Variants in GALNT9 observed in about 807,000 individuals in gnomAD.
GALNT9 encodes the protein polypeptide N-acetylgalactosaminyltransferase 9, also known as GalNAc transferase 9.
A neutral mutation model predicts 63.1 loss-of-function variants in GALNT9; 47 were observed. That is an observed-to-expected ratio of 0.75 (90% CI 0.59 to 0.95). The LOEUF (loss-of-function observed/expected upper bound fraction) is 0.95. Ranked by LOEUF, GALNT9 falls within the 40% of genes least tolerant of loss-of-function variation. GALNT9 has a pLI of 0.00. For synonymous variants in GALNT9, 396 were observed against 365.7 expected (o/e 1.08, Z -0.94); for missense variants, 829 against 874.8 (o/e 0.95, Z 0.66).
Position 132,246,775 on chromosome 12 carries a change from C to G in GALNT9, c.1077+1135G>C, listed in dbSNP as rs1878719341. Among the ~76,000 whole-genome samples, 1 of 152,212 alleles carries G rather than the reference C, an allele frequency of 6.6e-6. No individual in the cohort carries two copies. The highest frequency in any genetic ancestry group is 1.5e-5 in the Non-Finnish European group (1 of 68,044). The stretch of plus-strand genomic sequence containing the variant: ...CTCGAACTTCTGACCTCATGATCCA[C>G]CCACCTCTGCCTCCCACAGTGTTGG... On this transcript the variant is annotated intron_variant, in intron 6 of 10. Transcript: ENST00000328957. The surrounding 1 kb of genome is among the most constrained non-coding windows in gnomAD (Gnocchi z 4.7).
At chr12:132,235,730 C>G (rs1206537517) in intron 6 of GALNT9, among the ~76,000 whole-genome samples, 3 of 110,402 alleles carry the variant, frequency 2.7e-5, no homozygotes, top group Non-Finnish European at 5.5e-5. Context: ...GAGGGTCCCC[C>G]GGGCTGGAGT....
rs181694461 is a variant in GALNT9 at position 132,222,357 on chromosome 12, T to G, written c.1078-18667A>C. ...CTTGGGGAGGCCGAGGCAGGAGGAT[T>G]GCTTGAGGCCAGGAGTTCAAGGCCA... is the stretch of plus-strand genomic sequence containing the variant. On this transcript the variant is annotated intron_variant, in intron 6 of 10. Coordinates refer to ENST00000328957, the MANE Select transcript of GALNT9 (RefSeq NM_001122636.2). 3.5e-3 allele frequency among the ~76,000 whole-genome samples: 539 copies of G among 151,970 alleles called. 2 individuals carry two copies. The highest frequency in any genetic ancestry group is 5.5e-3 in the Non-Finnish European group (375 of 67,972).
intron 6 of GALNT9, among the ~76,000 whole-genome samples, chr12:132,224,802 C>CA (rs1593071650): frequency 0.012 from 1,755 of 146,480 alleles, 32 homozygotes; most frequent in East Asian, 0.058. Context: ...ATACACACAC[C>CA]CCACACACAT....
chr12:132,269,230 C>T (rs544833770), intron 2 of GALNT9, among the ~76,000 whole-genome samples: 4 of 152,006 alleles, frequency 2.6e-5, no homozygotes, highest in South Asian at 2.1e-4. Flanking sequence ...TGCCCGACTG[C>T]GGCCAAGGAA....
intron 1 of GALNT9, among the ~76,000 whole-genome samples, chr12:132,297,981 G>C (rs1881136366): frequency 6.7e-6 from 1 of 148,786 alleles, no homozygotes; most frequent in Non-Finnish European, 1.5e-5. Flanking sequence ...TCACATCCAA[G>C]AAAACTCACT....
At chr12:132,256,753 C>T (rs181358472) in intron 5 of GALNT9, among the ~76,000 whole-genome samples, 5 of 152,204 alleles carry the variant, frequency 3.3e-5, no homozygotes, top group Admixed American at 1.3e-4. Flanking sequence ...GTGGCTGCAC[C>T]GATTCACAGT....
chr12:132,201,317 T>TCCCCATAATGAGGTTGGGGGTCTC (rs1876083720), intron 7 of GALNT9, 56 bp from the exon 8 acceptor site: 2 of 1,292,018 alleles, frequency 1.5e-6, no homozygotes, highest in East Asian at 2.3e-5. Flanking sequence ...ACCTGGGTCT[T>TCCCCATAATGAGGTTGGGGGTCTC]CCCCATAATG....
intron 6 of GALNT9, among the ~76,000 whole-genome samples, chr12:132,209,950 C>T (rs1876882253): frequency 6.6e-6 from 1 of 152,250 alleles, no homozygotes; most frequent in Non-Finnish European, 1.5e-5. Context: ...AATAAACTTG[C>T]TTTCACTTTA....
At chr12:132,199,622 C>T (rs1300182867) in intron 8 of GALNT9, among the ~76,000 whole-genome samples, 1 of 152,176 alleles carries the variant, frequency 6.6e-6, no homozygotes, top group Non-Finnish European at 1.5e-5. Context: ...GACCGCTCGC[C>T]AGCCTTGCAG....
rs1047765807 is a variant in GALNT9, at chr12:132,327,075, C to T, written c.238+1891G>A. Among the ~76,000 whole-genome samples, 2 of 152,060 alleles carry T rather than the reference C, an allele frequency of 1.3e-5. No individual in the cohort carries two copies. Among genetic ancestry groups the T allele is most frequent in the African/African-American group, 4.8e-5 (2 of 41,394 alleles). ...CCTCATCACAGAGGGGGACGAAACT[C>T]GGCCTCATCAAAAGGTTGAGGGCAA... On this transcript the variant is annotated intron_variant, in intron 1 of 10. Transcript: ENST00000328957. This position sits in a 1 kb window ranked among gnomAD's most constrained non-coding sequence, Gnocchi z 4.3.
rs147597803 is a variant in GALNT9, at chr12:132,216,447, G to A, written c.1078-12757C>T. ...CTCTCATCTGCAGGCAGGACGGTGC[G>A]TGGCACAGCCGCAGGCCCAGCGAGG... On this transcript the variant is annotated intron_variant, in intron 6 of 10. Coordinates refer to ENST00000328957, the MANE Select transcript of GALNT9 (RefSeq NM_001122636.2). Among the ~76,000 whole-genome samples the A allele has an allele frequency of 7.2e-5, 11 of 152,344 alleles. No homozygotes were observed. In the East Asian group the frequency reaches 7.7e-4, roughly 11 times the overall value.
chr12:132,238,743 C>T lies in GALNT9; in HGVS notation c.1077+9167G>A, dbSNP rs1399444914. ...GTGGGAGGGGCCAGGAGAATGACAGCCTGATTCCTCCGCCCCCTCATCTGC... is the reference window on the plus strand; with the variant it reads ...GTGGGAGGGGCCAGGAGAATGACAGTCTGATTCCTCCGCCCCCTCATCTGC... On this transcript the variant is annotated intron_variant, in intron 6 of 10. Coordinates refer to ENST00000328957, the MANE Select transcript of GALNT9 (RefSeq NM_001122636.2). This position sits in a 1 kb window ranked among gnomAD's most constrained non-coding sequence, Gnocchi z 6.5. 3.3e-5 allele frequency among the ~76,000 whole-genome samples: 5 copies of T among 152,182 alleles called. No homozygotes were observed. Among genetic ancestry groups the T allele is most frequent in the Non-Finnish European group, 7.4e-5 (5 of 68,024 alleles).
At chr12:132,214,988 T>G (rs540557598) in intron 6 of GALNT9, among the ~76,000 whole-genome samples, 1 of 152,316 alleles carries the variant, frequency 6.6e-6, no homozygotes, top group Admixed American at 6.5e-5. Context: ...CGTGAGGCTG[T>G]GAGAGTGGAG....
Position 132,328,979 on chromosome 12 carries a change from G to A in GALNT9, c.225C>T (p.Tyr75=), listed in dbSNP as rs1555246712. The A allele has an allele frequency of 6.5e-7, 1 of 1,537,396 alleles. No individual in the cohort carries two copies. Among genetic ancestry groups the A allele is most frequent in the Non-Finnish European group, 8.7e-7 (1 of 1,143,016 alleles). Residue 75 remains tyrosine, a synonymous_variant, in exon 1 of 11, where the codon TAC becomes TAT. Coordinates refer to ENST00000328957, the MANE Select transcript of GALNT9 (RefSeq NM_001122636.2). ...QRLDHLEEVV[Y]NQLNGLAKPI... ...GCCCCCGCTCACCGTTGAGCTGGTT[G>A]TAGACCACCTCCTCCAGGTGGTCCA...
At chr12:132,201,666 C>T (rs1876132314) in intron 7 of GALNT9, among the ~76,000 whole-genome samples, 1 of 152,202 alleles carries the variant, frequency 6.6e-6, no homozygotes, top group Non-Finnish European at 1.5e-5. Flanking sequence ...GGTGAGGACC[C>T]TGGATACTGA....
At chr12:132,268,641 G>T (rs1172733107) in intron 2 of GALNT9, among the ~76,000 whole-genome samples, 1 of 152,236 alleles carries the variant, frequency 6.6e-6, no homozygotes, top group Non-Finnish European at 1.5e-5. Context: ...TACTTTCAAA[G>T]CACGCATCTG....
rs930347154 is a variant in GALNT9, at chr12:132,324,323, C to T, written c.238+4643G>A. ...AGGCATTGCCCGGGCCGAGCCTGTG[C>T]GCCTCCAGCCGCGCCTTCCGCACGA... is the stretch of plus-strand genomic sequence containing the variant. On this transcript the variant is annotated intron_variant, in intron 1 of 10. Coordinates refer to ENST00000328957, the MANE Select transcript of GALNT9 (RefSeq NM_001122636.2). Among the ~76,000 whole-genome samples the T allele has an allele frequency of 7.9e-5, 12 of 152,320 alleles. No individual in the cohort carries two copies. In the East Asian group the frequency reaches 2.1e-3, roughly 27 times the overall value.
rs1365657014 is a variant in GALNT9, at chr12:132,257,823, G to A, written c.825C>T (p.Asp275=). 1.3e-6 allele frequency: 2 copies of A among 1,550,256 alleles called. No homozygotes were observed. Among genetic ancestry groups the A allele is most frequent in the East Asian group, 2.4e-5 (1 of 40,902 alleles). ...CCTCAAACGTGCTGTACTTGATGTT[G>A]TCGATGGCTGGCAGCACGATGCGAC... is the stretch of plus-strand genomic sequence containing the variant. ...DRRRIVLPAI[D]NIKYSTFEVQ... The change falls in exon 5 of 11, where the codon GAC becomes GAT. Residue 275 remains aspartate (D), a synonymous_variant. Transcript: ENST00000328957.
chr12:132,304,318 GAATCGCCCAGACACAC>G (rs1881466079), intron 1 of GALNT9, among the ~76,000 whole-genome samples: 1 of 59,448 alleles, frequency 1.7e-5, no homozygotes, highest in African/African-American at 7.6e-5. Context: ...CCCGGGCACA[GAATCGCCCAGACACAC>G]CCTCGCCTGG....
Sources: allele counts gnomAD v4.1 joint callset (sites outside exome capture counted in the v4.1 genomes callset), GRCh38; gene constraint gnomAD v4.1.1; non-coding constraint Gnocchi (gnomAD v3.1); transcripts MANE v1.5; gene names NCBI Gene and HGNC (gene_info 2026-07-23, HGNC 2026-07-21).